The following ETV1 variants were observed in gnomAD, a reference collection of about 807,000 sequenced individuals.
The protein encoded by ETV1 is ETS translocation variant 1.
A neutral mutation model predicts 62.3 loss-of-function variants in ETV1; 27 were observed. That is an observed-to-expected ratio of 0.43 (90% CI 0.32 to 0.60). The LOEUF (loss-of-function observed/expected upper bound fraction) is 0.60, where lower values mean the gene tolerates loss of function less well. Among genes scored for constraint, ETV1 ranks in the 20% least tolerant of loss-of-function variants. The probability of loss-of-function intolerance (pLI) is 0.06; values close to 1 mark genes in which losing one functional copy is unlikely to be tolerated. For synonymous variants in ETV1, 222 were observed against 199.6 expected (o/e 1.11, Z -0.94); for missense variants, 605 against 605.8 (o/e 1.00, Z 0.01).
At position 13,931,409 on chromosome 7, in the gene ETV1, C is replaced by T. The variant is rs975879258; in HGVS notation, c.802+93G>A. On this transcript the variant is annotated intron_variant, in intron 9 of 13. Coordinates refer to ENST00000430479, the MANE Select transcript of ETV1 (RefSeq NM_004956.5). ...CTGAAAGATCTTATTAAAAAATGGTCAGGAGCTACCTAGTCTGATACCAAC... is the reference window on the plus strand; with the variant it reads ...CTGAAAGATCTTATTAAAAAATGGTTAGGAGCTACCTAGTCTGATACCAAC... 1.6e-5 allele frequency: 22 copies of T among 1,376,258 alleles called. No individual in the cohort carries two copies. In the African/African-American group the frequency reaches 3.0e-4, roughly 19 times the overall value. The allele number at this position is 1,376,258 out of a possible 1,614,324, so 85.3% of individuals were successfully genotyped here.
At chr7:13,913,186 C>T (rs1301383084) in intron 9 of ETV1, among the ~76,000 whole-genome samples, 2 of 152,182 alleles carry the variant, frequency 1.3e-5, no homozygotes, top group Admixed American at 6.5e-5. Flanking sequence ...AGTTCTGTTT[C>T]TTCACGAATA....
At chr7:13,902,713 A>G (rs1159784084) in intron 12 of ETV1, among the ~76,000 whole-genome samples, 1 of 152,188 alleles carries the variant, frequency 6.6e-6, no homozygotes, top group Non-Finnish European at 1.5e-5. Context: ...ATTCATTTAT[A>G]AAGGATTATT....
At chr7:13,976,690 T>C (rs967705929) in intron 6 of ETV1, among the ~76,000 whole-genome samples, 2 of 152,230 alleles carry the variant, frequency 1.3e-5, no homozygotes, top group South Asian at 2.1e-4. Flanking sequence ...GCTGGTAGAA[T>C]GGCAGATTAT....
chr7:13,929,454 T>C (rs1461383020), intron 9 of ETV1, among the ~76,000 whole-genome samples: 2 of 152,160 alleles, frequency 1.3e-5, no homozygotes, highest in East Asian at 1.9e-4. Context: ...TGAGGAAATC[T>C]CTAAAATGAG....
At chr7:13,931,474 A>C in intron 9 of ETV1, 28 bp downstream of exon 9, 1 of 1,613,164 alleles carries the variant, frequency 6.2e-7, no homozygotes, top group Non-Finnish European at 8.5e-7. Context: ...AGTGCCTTGA[A>C]TGTAATTTGC....
At chr7:13,909,125 T>A (rs1484228519) in intron 11 of ETV1, among the ~76,000 whole-genome samples, 2 of 126,622 alleles carry the variant, frequency 1.6e-5, no homozygotes, top group Non-Finnish European at 3.3e-5. Context: ...GTAACATACA[T>A]CTTCCCCAGT....
chr7:13,907,153 A>G (rs965511024), intron 11 of ETV1, among the ~76,000 whole-genome samples: 2 of 152,202 alleles, frequency 1.3e-5, no homozygotes, highest in African/African-American at 4.8e-5. Context: ...GAGTTAAGTA[A>G]TCTTCACTTT....
chr7:13,900,509 A>G, intron 13 of ETV1: 1 of 406,502 alleles, frequency 2.5e-6, no homozygotes, highest in Admixed American at 4.4e-5. Flanking sequence ...GCAAAGTAGG[A>G]CCTTCCAGAA....
intron 6 of ETV1, among the ~76,000 whole-genome samples, chr7:13,951,486 C>A (rs745798845): frequency 2.0e-5 from 3 of 152,166 alleles, no homozygotes; most frequent in Non-Finnish European, 2.9e-5. Context: ...GGGAGCCACA[C>A]TACGTATAAA....
chr7:13,937,043 A>T (rs1015927706), intron 7 of ETV1, among the ~76,000 whole-genome samples: 61 of 77,804 alleles, frequency 7.8e-4, no homozygotes, highest in African/African-American at 1.9e-3. Flanking sequence ...CCCTGTCTCA[A>T]AAAAAAATAA....
chr7:13,920,300 G>A (rs111932463), intron 9 of ETV1, among the ~76,000 whole-genome samples: 12 of 152,126 alleles, frequency 7.9e-5, no homozygotes, highest in Admixed American at 5.9e-4. Context: ...AACACTGCAA[G>A]GCCATAAATA....
chr7:13,970,112 T>C lies in ETV1; in HGVS notation c.235+7315A>G, dbSNP rs554299459. ...TCTACTAAAAATACAAAAAAAAAAA[T>C]TAGCCTGGCGTGGTGGCGGGCGCCT... On this transcript the variant is annotated intron_variant, in intron 6 of 13. Coordinates refer to ENST00000430479, the MANE Select transcript of ETV1 (RefSeq NM_004956.5). Among the ~76,000 whole-genome samples, 4 of 148,378 alleles carry C rather than the reference T, an allele frequency of 2.7e-5. No homozygotes were observed. In the South Asian group the frequency reaches 8.7e-4, roughly 32 times the overall value.
chr7:13,950,734 C>G (rs530741213), intron 6 of ETV1, among the ~76,000 whole-genome samples: 1 of 152,122 alleles, frequency 6.6e-6, no homozygotes, highest in Non-Finnish European at 1.5e-5. Context: ...GTGGCCAACT[C>G]TCACTTTCAG....
At chr7:13,983,486 G>A (rs147792438) in intron 5 of ETV1, among the ~76,000 whole-genome samples, 1 of 151,882 alleles carries the variant, frequency 6.6e-6, no homozygotes, top group African/African-American at 2.4e-5. Context: ...TATTTCATGG[G>A]ATCAAATAAT....
chr7:13,946,770 CTTATT>C (rs1326716466), intron 6 of ETV1, among the ~76,000 whole-genome samples: 9 of 151,954 alleles, frequency 5.9e-5, no homozygotes, highest in Admixed American at 5.2e-4. Context: ...TATTTATTTA[CTTATT>C]TTATTTATTT....
intron 9 of ETV1, among the ~76,000 whole-genome samples, chr7:13,918,952 T>C (rs1053338641): frequency 2.6e-5 from 4 of 152,210 alleles, no homozygotes; most frequent in Admixed American, 2.0e-4. Flanking sequence ...AAGAGTATTG[T>C]CTCTCTTATT....
At chr7:13,946,827 C>T (rs985509720) in intron 6 of ETV1, among the ~76,000 whole-genome samples, 5 of 152,158 alleles carry the variant, frequency 3.3e-5, no homozygotes, top group Non-Finnish European at 7.4e-5. Flanking sequence ...CTCACTCTGT[C>T]TCCCAGGCTG....
At chr7:13,982,188 T>G (rs1782055204) in intron 5 of ETV1, among the ~76,000 whole-genome samples, 1 of 152,030 alleles carries the variant, frequency 6.6e-6, no homozygotes, top group Admixed American at 6.6e-5. Flanking sequence ...CTTGAAAACT[T>G]AAGGGAAGCT....
At chr7:13,926,743 T>C (rs3801095) in intron 9 of ETV1, among the ~76,000 whole-genome samples, 21,297 of 152,104 alleles carry the variant, frequency 0.14, 1,608 homozygotes, top group East Asian at 0.25. Flanking sequence ...GGATTGGATC[T>C]TTTAGAACCT....
Sources: allele counts gnomAD v4.1 joint callset (sites outside exome capture counted in the v4.1 genomes callset), GRCh38; gene constraint gnomAD v4.1.1; transcripts MANE v1.5; gene names NCBI Gene and HGNC (gene_info 2026-07-23, HGNC 2026-07-21).